Variants in NCR3LG1 observed in about 807,000 individuals in gnomAD.
The protein encoded by NCR3LG1 is natural cytotoxicity triggering receptor 3 ligand 1.
In NCR3LG1, 35 loss-of-function variants were observed where a neutral mutation model predicts 34.8. That is an observed-to-expected ratio of 1.01 (90% CI 0.77 to 1.33). NCR3LG1 has a LOEUF of 1.33. NCR3LG1 is among the 40% of genes most tolerant of loss of function. The pLI is 0.00. For missense variants in NCR3LG1, 452 were observed against 423.3 expected (o/e 1.07, Z -0.60); for synonymous variants, 173 against 163.6 (o/e 1.06, Z -0.44).
chr11:17,374,522 G>A lies in NCR3LG1; in HGVS notation c.*2010G>A, dbSNP rs1264126019. On this transcript the variant is annotated 3_prime_UTR_variant, in exon 5 of 5. Coordinates refer to ENST00000338965, the MANE Select transcript of NCR3LG1 (RefSeq NM_001202439.3). ...CACTGAGGCTCTCCTTAATTTCCTA[G>A]CTGGAAAGGGATATAAGGCTTCAAA... The A allele has an allele frequency of 5.9e-5, 9 of 152,110 alleles. No individual in the cohort carries two copies. The highest frequency in any genetic ancestry group is 2.2e-4 in the African/African-American group (9 of 41,398). 9.4% of individuals were successfully genotyped at this position (152,110 alleles called of 1,614,324 possible). A position where few individuals can be genotyped will look rare whatever the true frequency, so the allele number is the denominator to read the frequency against.
chr11:17,351,812 G>C lies in NCR3LG1; in HGVS notation c.-158G>C, dbSNP rs1346412665. ...TCCAGGCGACTTCGCAGTTGCCGAA[G>C]GGATCTGAAGAAGTGGGATGTGCAA... is the stretch of plus-strand genomic sequence containing the variant. On this transcript the variant is annotated 5_prime_UTR_variant, in exon 1 of 5. Coordinates refer to ENST00000338965, the MANE Select transcript of NCR3LG1 (RefSeq NM_001202439.3). 7 of 561,384 alleles carry C rather than the reference G, an allele frequency of 1.2e-5. No individual in the cohort carries two copies. Among genetic ancestry groups the C allele is most frequent in the African/African-American group, 2.0e-5 (1 of 50,100 alleles). The allele number at this position is 561,384 out of a possible 1,614,324, so 34.8% of individuals were successfully genotyped here. A position where few individuals can be genotyped will look rare whatever the true frequency, so the allele number is the denominator to read the frequency against.
chr11:17,351,898 C>T lies in NCR3LG1; in HGVS notation c.-72C>T. 1 of 1,213,124 alleles carries T rather than the reference C, an allele frequency of 8.2e-7. No individual in the cohort carries two copies. Among genetic ancestry groups the T allele is most frequent in the East Asian group, 2.6e-5 (1 of 38,884 alleles). The allele number at this position is 1,213,124 out of a possible 1,614,324, so 75.1% of individuals were successfully genotyped here. A position where few individuals can be genotyped will look rare whatever the true frequency, so the allele number is the denominator to read the frequency against. Reference sequence around the variant, plus strand: ...AACTCTTTACGCAACAGAGGTCTCCCCCTGCCCTTGGTTTCTACCGGGCCG... The same window carrying T: ...AACTCTTTACGCAACAGAGGTCTCCTCCTGCCCTTGGTTTCTACCGGGCCG... On this transcript the variant is annotated 5_prime_UTR_variant, in exon 1 of 5. Transcript: ENST00000338965.
chr11:17,369,697 G>A (rs1231653457), intron 4 of NCR3LG1, among the ~76,000 whole-genome samples: 1 of 152,190 alleles, frequency 6.6e-6, no homozygotes, highest in Non-Finnish European at 1.5e-5. Flanking sequence ...ATCTAAAGTT[G>A]GCCATTTAGA....
At chr11:17,362,687 CCTTCCTTTCTTTCTTT>C (rs1245767602) in intron 2 of NCR3LG1, among the ~76,000 whole-genome samples, 104 of 15,944 alleles carry the variant, frequency 6.5e-3, no homozygotes, top group African/African-American at 9.8e-3. Context: ...TTCCTTCCTT[CCTTCCTTTCTTTCTTT>C]CTTTCTTTCT....
In NCR3LG1 at chr11:17,362,741, TTTCTTTCTTTCTTTCTTTCTTTCTTTCC is replaced by T. The variant is rs1564856485; in HGVS notation, c.422-4264_422-4237del. Reference sequence around the variant, plus strand: ...CTTTCTTTCTTTCTTTCTTTCTTTCTTTCTTTCTTTCTTTCTTTCTTTCTTTCCTTCCTTCCTTCTTTCCTTCTTTCTC... The same window carrying T: ...CTTTCTTTCTTTCTTTCTTTCTTTCTTTCCTTCCTTCTTTCCTTCTTTCTC... On this transcript the variant is annotated intron_variant, in intron 2 of 4. Transcript: ENST00000338965. 2.9e-3 allele frequency among the ~76,000 whole-genome samples: 285 copies of T among 99,784 alleles called. 25 individuals carry two copies. The highest frequency in any genetic ancestry group is 0.016 in the African/African-American group (274 of 17,452). The allele number at this position is 99,784 out of a possible 152,430, so 65.5% of individuals were successfully genotyped here. A position where few individuals can be genotyped will look rare whatever the true frequency, so the allele number is the denominator to read the frequency against.
chr11:17,367,467 C>A, intron 3 of NCR3LG1, 120 bp downstream of exon 3: 1 of 867,896 alleles, frequency 1.2e-6, no homozygotes, highest in South Asian at 1.8e-5. Flanking sequence ...AAAGCTTGGA[C>A]TGGAAGGACC....
intron 1 of NCR3LG1, among the ~76,000 whole-genome samples, chr11:17,352,815 G>A (rs1177021416): frequency 6.6e-6 from 1 of 151,752 alleles, no homozygotes; most frequent in African/African-American, 2.4e-5. Context: ...GCTTTTTTGG[G>A]AACTCGTATG....
Position 17,375,087 on chromosome 11 carries a change from T to C in NCR3LG1, c.*2575T>C, listed in dbSNP as rs1953460361. ...ACCAAGTTAACCCTGGGGAATAACC[T>C]GTTTATGCCTCACATAAATAATGTG... On this transcript the variant is annotated 3_prime_UTR_variant, in exon 5 of 5. Transcript: ENST00000338965. 1 of 152,192 alleles carries C rather than the reference T, an allele frequency of 6.6e-6. No individual in the cohort carries two copies. The highest frequency in any genetic ancestry group is 6.5e-5 in the Admixed American group (1 of 15,276). The allele number at this position is 152,192 out of a possible 1,614,324, so 9.4% of individuals were successfully genotyped here.
At chr11:17,379,265 C>T (rs774006847), downstream of NCR3LG1, among the ~76,000 whole-genome samples, 12 of 152,186 alleles carry the variant, frequency 7.9e-5, no homozygotes, top group Admixed American at 1.3e-4. Context: ...GACTGTAAAA[C>T]TATCAGTTTA....
intron 1 of NCR3LG1, among the ~76,000 whole-genome samples, chr11:17,354,242 G>A (rs183092974): frequency 2.8e-4 from 42 of 152,334 alleles, no homozygotes; most frequent in African/African-American, 9.4e-4. Context: ...ATGCATAAAT[G>A]CTTTTCCTTG....
In NCR3LG1 at chr11:17,372,588, C is replaced by G; in HGVS notation, c.*76C>G. On this transcript the variant is annotated 3_prime_UTR_variant, in exon 5 of 5. Transcript: ENST00000338965. ...GGACCTTGGGCAAATAAGAGGGGAC[C>G]TGGGCAAGTTCTCTGATGACCTGAT... is the stretch of plus-strand genomic sequence containing the variant. 1.6e-6 allele frequency: 1 copy of G among 613,752 alleles called. No individual in the cohort carries two copies. The highest frequency in any genetic ancestry group is 2.7e-5 in the East Asian group (1 of 36,624). The allele number at this position is 613,752 out of a possible 1,614,324, so 38.0% of individuals were successfully genotyped here. A position where few individuals can be genotyped will look rare whatever the true frequency, so the allele number is the denominator to read the frequency against.
rs551016158 is a variant in NCR3LG1 at position 17,355,919 on chromosome 11, TCCCA to T, written c.71-731_71-728del. 1.9e-3 allele frequency among the ~76,000 whole-genome samples: 285 copies of T among 152,254 alleles called. 3 individuals are homozygous for T. The highest frequency in any genetic ancestry group is 5.9e-3 in the African/African-American group (244 of 41,554). ...CACAAGGGATCCTCTCACCTCAGCC[TCCCA>T]AGTAGCTGGGACTACAAGTGCTAAC... On this transcript the variant is annotated intron_variant, in intron 1 of 4. Coordinates refer to ENST00000338965, the MANE Select transcript of NCR3LG1 (RefSeq NM_001202439.3).
downstream of NCR3LG1, among the ~76,000 whole-genome samples, chr11:17,379,681 A>T (rs1343842937): frequency 1.3e-5 from 2 of 152,248 alleles, no homozygotes; most frequent in Non-Finnish European, 2.9e-5. Context: ...CAAATCTGAG[A>T]TCAGCAGAGC....
intron 3 of NCR3LG1, among the ~76,000 whole-genome samples, chr11:17,368,551 C>G (rs1238561483): frequency 2.6e-5 from 4 of 151,864 alleles, no homozygotes; most frequent in Non-Finnish European, 5.9e-5. Flanking sequence ...ATGTATGGTA[C>G]GAGGGGTTGT....
intron 2 of NCR3LG1, among the ~76,000 whole-genome samples, chr11:17,358,942 TTTTA>T (rs1467289192): frequency 1.3e-5 from 2 of 152,228 alleles, no homozygotes; most frequent in Admixed American, 6.5e-5. Flanking sequence ...TTATTTTTTG[TTTTA>T]TTTAATTTTT....
At chr11:17,380,485 T>C (rs748829323), downstream of NCR3LG1, among the ~76,000 whole-genome samples, 4 of 152,028 alleles carry the variant, frequency 2.6e-5, no homozygotes, top group Non-Finnish European at 5.9e-5. Context: ...TATTTGTTTT[T>C]AGTAATTTTT....
Position 17,369,016 on chromosome 11 carries a change from C to G in NCR3LG1, c.858+52C>G, listed in dbSNP as rs901830070. On this transcript the variant is annotated intron_variant, in intron 4 of 4. Coordinates refer to ENST00000338965, the MANE Select transcript of NCR3LG1 (RefSeq NM_001202439.3). ...CCCTGTGTCTTGGGCTAGTAAAAAG[C>G]TTTTAGAGCAGCTGCTGCCAACCTT... The G allele has an allele frequency of 4.9e-6, 6 of 1,225,682 alleles. No individual in the cohort carries two copies. The East Asian group carries it at 1.5e-4, about 31-fold the overall frequency. 75.9% of individuals were successfully genotyped at this position (1,225,682 alleles called of 1,614,324 possible). A position where few individuals can be genotyped will look rare whatever the true frequency, so the allele number is the denominator to read the frequency against.
At chr11:17,357,789 C>T (rs1026092869) in intron 2 of NCR3LG1, among the ~76,000 whole-genome samples, 1 of 152,078 alleles carries the variant, frequency 6.6e-6, no homozygotes, top group Non-Finnish European at 1.5e-5. Context: ...TCACTGTAAC[C>T]TCAAACTCCA....
Position 17,356,942 on chromosome 11 carries a change from G to A in NCR3LG1, c.362G>A (p.Arg121Gln), listed in dbSNP as rs760739577. Residue 121 changes from arginine to glutamine, a missense_variant, in exon 2 of 5, where the codon CGA becomes CAA. Physicochemically the swap from Arg to Gln is conservative, Grantham distance 43. Transcript: ENST00000338965. Reference protein sequence around the residue: ...GIQLEEAGEYRCEVVVTPLKA... With the variant: ...GIQLEEAGEYQCEVVVTPLKA... ...CAGCTGGAGGAAGCAGGAGAGTACC[G>A]ATGTGAGGTGGTGGTCACCCCTCTG... 33 of 1,535,782 alleles carry A rather than the reference G, an allele frequency of 2.1e-5. No homozygotes were observed. Among genetic ancestry groups the A allele is most frequent in the Middle Eastern group, 3.3e-4 (2 of 6,006 alleles).
Sources: allele counts gnomAD v4.1 joint callset (sites outside exome capture counted in the v4.1 genomes callset), GRCh38; gene constraint gnomAD v4.1.1; transcripts MANE v1.5; gene names NCBI Gene and HGNC (gene_info 2026-07-23, HGNC 2026-07-21).